Variants in NPAS3 observed in about 807,000 individuals in gnomAD.
The protein encoded by NPAS3 is neuronal PAS domain-containing protein 3.
A neutral mutation model predicts 73.1 loss-of-function variants in NPAS3; 14 were observed. The ratio of observed to expected loss-of-function variants is 0.19; its 90% CI spans 0.13 to 0.30. The LOEUF (loss-of-function observed/expected upper bound fraction) is 0.30, where lower values mean the gene tolerates loss of function less well. Ranked by LOEUF, NPAS3 falls within the 10% of genes least tolerant of loss-of-function variation. The pLI, the probability that NPAS3 is intolerant of heterozygous loss-of-function variation, is 1.00. For synonymous variants in NPAS3, 620 were observed against 541.5 expected (o/e 1.14, Z -2.01); for missense variants, 1,096 against 1,250.0 (o/e 0.88, Z 1.86).
At chr14:33,783,365 G>A (rs557340620) in intron 9 of NPAS3, among the ~76,000 whole-genome samples, 1 of 152,182 alleles carries the variant, frequency 6.6e-6, no homozygotes, top group Non-Finnish European at 1.5e-5. Flanking sequence ...GTCATTGGCT[G>A]GACTCTTCCC....
chr14:33,782,525 G>A (rs2063008991), intron 9 of NPAS3, among the ~76,000 whole-genome samples: 1 of 152,178 alleles, frequency 6.6e-6, no homozygotes, highest in South Asian at 2.1e-4. Flanking sequence ...TTCTTTGTGG[G>A]TCCAATCAGC....
intron 2 of NPAS3, among the ~76,000 whole-genome samples, chr14:33,124,393 C>A (rs1019892033): frequency 6.6e-6 from 1 of 152,068 alleles, no homozygotes; most frequent in East Asian, 1.9e-4. Context: ...CAAATTGTGA[C>A]TGTCTTTAGT....
chr14:33,565,290 A>G (rs1306969194), intron 5 of NPAS3, among the ~76,000 whole-genome samples: 1 of 152,264 alleles, frequency 6.6e-6, no homozygotes, highest in Middle Eastern at 3.2e-3. Flanking sequence ...TGGCAAATAA[A>G]ATTACAGCTA....
chr14:33,062,262 G>A (rs925547276), intron 2 of NPAS3, among the ~76,000 whole-genome samples: 2 of 150,214 alleles, frequency 1.3e-5, no homozygotes, highest in Non-Finnish European at 3.0e-5. Context: ...AAGAAGGAAT[G>A]TGATCTCATT....
chr14:33,207,660 G>T (rs780993756), intron 2 of NPAS3, among the ~76,000 whole-genome samples: 17 of 152,086 alleles, frequency 1.1e-4, no homozygotes, highest in Non-Finnish European at 2.1e-4. Context: ...AACATCCATT[G>T]TTAGGACAAT....
chr14:33,493,673 C>G (rs560221322), intron 4 of NPAS3, among the ~76,000 whole-genome samples: 38 of 152,184 alleles, frequency 2.5e-4, no homozygotes, highest in African/African-American at 8.9e-4. Flanking sequence ...CCCTTTGCTT[C>G]CCTGTGACTA....
intron 3 of NPAS3, among the ~76,000 whole-genome samples, chr14:33,317,735 T>C (rs2043267494): frequency 6.6e-6 from 1 of 152,056 alleles, no homozygotes; most frequent in South Asian, 2.1e-4. Context: ...GCCCCAGCCA[T>C]GCTAAACTGT....
chr14:33,652,609 G>C (rs1448618088), intron 5 of NPAS3, among the ~76,000 whole-genome samples: 1 of 152,200 alleles, frequency 6.6e-6, no homozygotes, highest in African/African-American at 2.4e-5. Flanking sequence ...AAAGTAGGTT[G>C]CCCTCACGAA....
At chr14:33,626,729 G>A (rs2058230292) in intron 5 of NPAS3, among the ~76,000 whole-genome samples, 1 of 152,194 alleles carries the variant, frequency 6.6e-6, no homozygotes, top group South Asian at 2.1e-4. Flanking sequence ...TGCCTGTATG[G>A]AGTTTATATT....
chr14:33,475,503 T>C (rs2050981601), intron 4 of NPAS3, among the ~76,000 whole-genome samples: 1 of 151,572 alleles, frequency 6.6e-6, no homozygotes, highest in South Asian at 2.1e-4. Flanking sequence ...CTACTTTAAG[T>C]TTTTATGTGT....
intron 2 of NPAS3, among the ~76,000 whole-genome samples, chr14:33,167,377 G>A (rs1166155358): frequency 6.6e-6 from 1 of 152,016 alleles, no homozygotes; most frequent in Non-Finnish European, 1.5e-5. Flanking sequence ...CAGTGGGCTA[G>A]CAAAAATGGA....
intron 4 of NPAS3, among the ~76,000 whole-genome samples, chr14:33,542,709 T>C (rs2054577728): frequency 6.6e-6 from 1 of 152,144 alleles, no homozygotes; most frequent in Non-Finnish European, 1.5e-5. Flanking sequence ...AAGTAAAAAA[T>C]ATTGAGTTGA....
At chr14:33,224,206 G>A (rs960664635) in intron 3 of NPAS3, among the ~76,000 whole-genome samples, 1 of 152,132 alleles carries the variant, frequency 6.6e-6, no homozygotes, top group African/African-American at 2.4e-5. Context: ...ATTCTTTAAC[G>A]TGTTTTTGTT....
intron 5 of NPAS3, among the ~76,000 whole-genome samples, chr14:33,665,069 G>T (rs2059415258): frequency 1.3e-5 from 2 of 152,208 alleles, no homozygotes; most frequent in South Asian, 4.1e-4. Flanking sequence ...CATGTTTACT[G>T]CAGCACTGTT....
chr14:33,246,431 T>C (rs372754811), intron 3 of NPAS3, among the ~76,000 whole-genome samples: 2,566 of 148,060 alleles, frequency 0.017, 82 homozygotes, highest in East Asian at 0.13. Flanking sequence ...CCCAGCTACT[T>C]GGGAGGCTGA....
At chr14:33,323,535 T>C (rs1166540270) in intron 3 of NPAS3, among the ~76,000 whole-genome samples, 3 of 152,196 alleles carry the variant, frequency 2.0e-5, no homozygotes, top group African/African-American at 4.8e-5. Context: ...GTAACAACTT[T>C]GTATGTTATG....
chr14:32,958,993 A>T (rs2036795623), intron 1 of NPAS3, among the ~76,000 whole-genome samples: 1 of 135,832 alleles, frequency 7.4e-6, no homozygotes, highest in South Asian at 2.3e-4. Flanking sequence ...CACATAAAAT[A>T]CACTAATAAT....
At chr14:33,437,740 C>A (rs960646595) in intron 4 of NPAS3, among the ~76,000 whole-genome samples, 3 of 152,152 alleles carry the variant, frequency 2.0e-5, no homozygotes, top group Non-Finnish European at 2.9e-5. Context: ...ACTGTCAAAT[C>A]GACATTATGG....
intron 3 of NPAS3, among the ~76,000 whole-genome samples, chr14:33,353,367 G>A (rs1213124552): frequency 6.6e-6 from 1 of 152,190 alleles, no homozygotes. Flanking sequence ...TGGCTGCAAG[G>A]AAGAAATACT....
Sources: gnomAD v4.1 joint callset for allele counts (sites outside exome capture counted in the v4.1 genomes callset) on GRCh38, gnomAD v4.1.1 for gene constraint, MANE v1.5 for transcripts, NCBI Gene and HGNC (gene_info 2026-07-23, HGNC 2026-07-21) for gene names.